The following EPB41L2 variants were observed in gnomAD, a reference collection of about 807,000 sequenced individuals.
The protein encoded by EPB41L2 is erythrocyte membrane protein band 4.1 like 2, also known as band 4.1-like protein 2.
Under a neutral mutation model 113.0 loss-of-function variants are expected in EPB41L2, and 43 were observed. The ratio of observed to expected loss-of-function variants is 0.38; its 90% confidence interval spans 0.30 to 0.49. The LOEUF is 0.49. Among genes scored for constraint, EPB41L2 ranks in the 20% least tolerant of loss-of-function variants. The probability of loss-of-function intolerance (pLI) is 0.95; values close to 1 mark genes in which losing one functional copy is unlikely to be tolerated. For missense variants in EPB41L2, 1,147 were observed against 1,223.4 expected, an observed-to-expected ratio of 0.94 and a Z score of 0.93; for synonymous variants, 442 against 436.7, an observed-to-expected ratio of 1.01 and a Z score of -0.15.
At chr6:131,023,760 TATAGATATATAG>T (rs2128742830) in intron 1 of EPB41L2, among the ~76,000 whole-genome samples, 1 of 78,624 alleles carries the variant, frequency 1.3e-5, no homozygotes, top group East Asian at 5.9e-4. Flanking sequence ...TATATAGATA[TATAGATATATAG>T]ATATATAGAT....
intron 6 of EPB41L2, among the ~76,000 whole-genome samples, chr6:130,902,015 A>G (rs1796428610): frequency 6.6e-6 from 1 of 152,346 alleles, no homozygotes; most frequent in Admixed American, 6.5e-5. Context: ...TGTCATATAT[A>G]CCCTGTGGGT....
At chr6:130,870,400 C>T (rs1785257318) in intron 14 of EPB41L2, 3 of 1,550,488 alleles carry the variant, frequency 1.9e-6, no homozygotes, top group Non-Finnish European at 2.6e-6. Flanking sequence ...CAAAAAGCAA[C>T]CGAGGACACA....
chr6:131,057,295 C>G (rs1358272633), intron 1 of EPB41L2, among the ~76,000 whole-genome samples: 1 of 152,210 alleles, frequency 6.6e-6, no homozygotes, highest in African/African-American at 2.4e-5. Flanking sequence ...CAATACCTCA[C>G]TTACAGTCTC....
intron 1 of EPB41L2, among the ~76,000 whole-genome samples, chr6:131,021,958 GT>G (rs1333935135): frequency 1.3e-5 from 2 of 152,128 alleles, no homozygotes; most frequent in African/African-American, 4.8e-5. Context: ...CCGGGGGATG[GT>G]TTTGGGATGC....
chr6:131,040,188 A>G (rs1794167404), intron 1 of EPB41L2, among the ~76,000 whole-genome samples: 1 of 152,208 alleles, frequency 6.6e-6, no homozygotes, highest in Non-Finnish European at 1.5e-5. Context: ...CTGCAATTCC[A>G]GCACTTTGGG....
At chr6:130,958,192 C>T (rs925315551) in intron 1 of EPB41L2, among the ~76,000 whole-genome samples, 9 of 152,232 alleles carry the variant, frequency 5.9e-5, no homozygotes, top group African/African-American at 2.2e-4. Flanking sequence ...TGGCTCATGC[C>T]TGTAATCCCA....
chr6:131,021,234 G>A (rs191581457), intron 1 of EPB41L2, among the ~76,000 whole-genome samples: 3 of 152,224 alleles, frequency 2.0e-5, no homozygotes, highest in African/African-American at 7.2e-5. Context: ...CAAGACTGCC[G>A]GACTTCCTAG....
chr6:131,053,570 G>A (rs756557960), intron 1 of EPB41L2, among the ~76,000 whole-genome samples: 1 of 152,132 alleles, frequency 6.6e-6, no homozygotes, highest in Non-Finnish European at 1.5e-5. Flanking sequence ...AACAAGAACA[G>A]GGAGGAGGAG....
At chr6:130,985,020 T>A (rs1244668406) in intron 1 of EPB41L2, among the ~76,000 whole-genome samples, 6 of 152,026 alleles carry the variant, frequency 3.9e-5, no homozygotes, top group Non-Finnish European at 8.8e-5. Flanking sequence ...TTGGTGATAG[T>A]GACAGGAGGC....
At chr6:131,050,253 C>T (rs1325367794) in intron 1 of EPB41L2, among the ~76,000 whole-genome samples, 2 of 152,068 alleles carry the variant, frequency 1.3e-5, no homozygotes, top group Non-Finnish European at 2.9e-5. Context: ...GCAGGAAAAT[C>T]GCTTGAACCC....
chr6:131,027,671 A>C (rs1291778830), intron 1 of EPB41L2, among the ~76,000 whole-genome samples: 1 of 152,202 alleles, frequency 6.6e-6, no homozygotes, highest in Non-Finnish European at 1.5e-5. Context: ...CTTTTATAAC[A>C]CAGAGAATAA....
At chr6:131,048,396 G>A (rs12213224) in intron 1 of EPB41L2, among the ~76,000 whole-genome samples, 3,364 of 152,180 alleles carry the variant, frequency 0.022, 68 homozygotes, top group South Asian at 0.092. Context: ...CTACATTTAG[G>A]TGAAACTGCT....
intron 1 of EPB41L2, among the ~76,000 whole-genome samples, chr6:130,972,414 C>G (rs1175163274): frequency 4.0e-5 from 6 of 150,026 alleles, no homozygotes; most frequent in Non-Finnish European, 8.9e-5. Flanking sequence ...AATATGGAAG[C>G]AACATAAATG....
At chr6:130,865,220 T>C (rs1361433903) in intron 17 of EPB41L2, among the ~76,000 whole-genome samples, 1 of 152,222 alleles carries the variant, frequency 6.6e-6, no homozygotes, top group Non-Finnish European at 1.5e-5. Flanking sequence ...GGAGGGCTGG[T>C]TTAATAAAAG....
intron 6 of EPB41L2, among the ~76,000 whole-genome samples, chr6:130,902,557 T>C (rs1796593269): frequency 6.6e-6 from 1 of 152,216 alleles, no homozygotes; most frequent in South Asian, 2.1e-4. Flanking sequence ...GATTATATGT[T>C]TCCTTGACCC....
intron 1 of EPB41L2, among the ~76,000 whole-genome samples, chr6:130,974,557 T>G (rs1777691169): frequency 6.6e-6 from 1 of 151,982 alleles, no homozygotes. Flanking sequence ...GAACTATTAA[T>G]AGAGTGAATT....
intron 1 of EPB41L2, among the ~76,000 whole-genome samples, chr6:131,027,243 C>G (rs1450768912): frequency 6.6e-6 from 1 of 151,780 alleles, no homozygotes; most frequent in Non-Finnish European, 1.5e-5. Context: ...GTTTTTTTGT[C>G]TTTTCTTTCT....
At chr6:131,029,391 TAAAAAAAAAAAA>T (rs757528439) in intron 1 of EPB41L2, among the ~76,000 whole-genome samples, 3 of 119,466 alleles carry the variant, frequency 2.5e-5, no homozygotes, top group African/African-American at 6.6e-5. Context: ...AGCATTTGTT[TAAAAAAAAAAAA>T]AAAAAAAAAA....
intron 3 of EPB41L2, among the ~76,000 whole-genome samples, chr6:130,951,312 CTTTT>C (rs34082234): frequency 0.054 from 2,707 of 49,758 alleles, 19 homozygotes; most frequent in East Asian, 0.17. Flanking sequence ...AGCCTCAGTA[CTTTT>C]TTTTTTTTTT....
Sources: allele counts gnomAD v4.1 joint callset (sites outside exome capture counted in the v4.1 genomes callset), GRCh38; gene constraint gnomAD v4.1.1; transcripts MANE v1.5; gene names NCBI Gene and HGNC (gene_info 2026-07-23, HGNC 2026-07-21).